CRTC2: variants seen among roughly 807,000 people sequenced by gnomAD.
CRTC2 encodes the protein CREB-regulated transcription coactivator 2.
In CRTC2, 25 loss-of-function variants were observed where a neutral mutation model predicts 70.9. That is an observed-to-expected ratio of 0.35 (90% CI 0.26 to 0.49). The LOEUF is 0.49. Ranked by LOEUF, CRTC2 falls within the 20% of genes least tolerant of loss-of-function variation. The pLI, the probability that CRTC2 is intolerant of heterozygous loss-of-function variation, is 0.98. For synonymous variants in CRTC2, 330 were observed against 364.1 expected (o/e 0.91, Z 1.07); for missense variants, 737 against 882.6 (o/e 0.83, Z 2.09).
chr1:153,952,832 T>C lies in CRTC2; in HGVS notation c.610A>G (p.Ile204Val), dbSNP rs772994822. Residue 204 changes from isoleucine to valine, a missense_variant and splice_region_variant, in exon 7 of 14, where the codon ATT (isoleucine) becomes GTT (valine). This residue lies in a region of CRTC2 where 699 missense variants were observed against 823.7 expected (regional missense o/e 0.85). Coordinates refer to ENST00000368633, the MANE Select transcript of CRTC2 (RefSeq NM_181715.3). The stretch of plus-strand genomic sequence containing the variant: ...TTGGGGTCCATTTCACCATCCAGAA[T>C]ACCTGCAAGGGATACAGTGGCATTG... ...PSILPSRRGG[I>V]LDGEMDPKVP... 1.2e-6 allele frequency: 2 copies of C among 1,614,096 alleles called. No individual in the cohort carries two copies. Among genetic ancestry groups the C allele is most frequent in the African/African-American group, 2.7e-5 (2 of 74,944 alleles).
In CRTC2 at chr1:153,951,428, G is replaced by C. The variant is rs201148360; in HGVS notation, c.1236C>G (p.Gly412=). 2 of 1,602,510 alleles carry C rather than the reference G, an allele frequency of 1.2e-6. No individual in the cohort carries two copies. The highest frequency in any genetic ancestry group is 1.7e-6 in the Non-Finnish European group (2 of 1,174,212). ...SSSSTSSPVL[G]APSYPASTPG... is the part of the protein sequence containing the mutation. ...GGGTAGAAGCAGGGTAAGAGGGGGC[G>C]CCCAAAACAGGAGATGAAGTGGAGG... The change falls in exon 11 of 14, where the codon GGC becomes GGG. Residue 412 remains glycine (G), a synonymous_variant. Coordinates refer to ENST00000368633, the MANE Select transcript of CRTC2 (RefSeq NM_181715.3).
At chr1:153,951,992 G>A in intron 10 of CRTC2, 26 bp downstream of exon 10, 2 of 1,601,836 alleles carry the variant, frequency 1.2e-6, no homozygotes, top group East Asian at 2.2e-5. Flanking sequence ...GCACCCAGTG[G>A]GCACATGGCC....
Position 153,958,593 on chromosome 1 carries a change from T to G in CRTC2, c.-96A>C, listed in dbSNP as rs1680770140. The G allele has an allele frequency of 2.3e-6, 3 of 1,288,992 alleles. No homozygotes were observed. The highest frequency in any genetic ancestry group is 2.7e-5 in the Admixed American group (1 of 37,210). 79.8% of individuals were successfully genotyped at this position (1,288,992 alleles called of 1,614,324 possible). A position where few individuals can be genotyped will look rare whatever the true frequency, so the allele number is the denominator to read the frequency against. On this transcript the variant is annotated 5_prime_UTR_variant, in exon 1 of 14. Coordinates refer to ENST00000368633, the MANE Select transcript of CRTC2 (RefSeq NM_181715.3). ...TCCTCCAGCCGTAGCCACCGCCGCC[T>G]CAGCGAGCACCGCGAACCCGGCCCC...
chr1:153,953,032 A>G, intron 6 of CRTC2, 198 bp from the exon 7 acceptor site: 1 of 668,518 alleles, frequency 1.5e-6, no homozygotes, highest in Non-Finnish European at 2.6e-6. Context: ...AAACACAAAA[A>G]ATTAGCCAGG....
chr1:153,954,379 G>C, intron 3 of CRTC2, 63 bp from the exon 4 acceptor site: 470 of 1,072,888 alleles, frequency 4.4e-4, no homozygotes, highest in Non-Finnish European at 6.3e-4. Context: ...AATGAGGAAA[G>C]AACAATGAAG....
Position 153,951,253 on chromosome 1 carries a change from C to T in CRTC2, c.1404+7G>A. The T allele has an allele frequency of 2.5e-6, 4 of 1,613,352 alleles. No individual in the cohort carries two copies. Among genetic ancestry groups the T allele is most frequent in the East Asian group, 2.2e-5 (1 of 44,840 alleles). On this transcript the variant is annotated splice_region_variant and intron_variant, in intron 11 of 13. Coordinates refer to ENST00000368633, the MANE Select transcript of CRTC2 (RefSeq NM_181715.3). ...GACAGACATGCAGGGAAGGCAGCCA[C>T]GCATACCTGAGTGATGGAAGACAAG...
At chr1:153,955,259 C>T in intron 1 of CRTC2, 93 bp from the exon 2 acceptor site, 1 of 901,962 alleles carries the variant, frequency 1.1e-6, no homozygotes, top group Non-Finnish European at 1.8e-6. Context: ...GGATATGCTG[C>T]TGCCGCCACT....
At chr1:153,951,210 A>C (rs374560657) in intron 11 of CRTC2, 50 bp downstream of exon 11, 2 of 1,589,532 alleles carry the variant, frequency 1.3e-6, no homozygotes, top group East Asian at 2.2e-5. Context: ...ACAACATGGC[A>C]GGAGAAAAGG....
intron 10 of CRTC2, 146 bp from the exon 11 acceptor site, chr1:153,951,812 TG>T: frequency 9.4e-7 from 1 of 1,061,530 alleles, no homozygotes; most frequent in Non-Finnish European, 1.3e-6. Context: ...ACTGCCCATC[TG>T]GGGACTGCCC....
intron 12 of CRTC2, 129 bp from the exon 13 acceptor site, chr1:153,948,773 G>A: frequency 9.2e-7 from 1 of 1,081,766 alleles, no homozygotes; most frequent in Admixed American, 1.9e-5. Context: ...ACAGAGGGAG[G>A]TGGCAGCAAG....
rs780768791 is a variant in CRTC2, at chr1:153,947,883, A to G, written c.*226T>C. The G allele has an allele frequency of 1.7e-6, 1 of 574,942 alleles. No homozygotes were observed. Among genetic ancestry groups the G allele is most frequent in the Non-Finnish European group, 3.1e-6 (1 of 322,114 alleles). 35.6% of individuals were successfully genotyped at this position (574,942 alleles called of 1,614,324 possible). A position where few individuals can be genotyped will look rare whatever the true frequency, so the allele number is the denominator to read the frequency against. ...ACCTCCAGACAGACGGTTCAAAGTT[A>G]CAAGTGCTTTAGGCCCTCCCTTGAG... On this transcript the variant is annotated 3_prime_UTR_variant, in exon 14 of 14. Coordinates refer to ENST00000368633, the MANE Select transcript of CRTC2 (RefSeq NM_181715.3).
Position 153,952,798 on chromosome 1 carries a change from C to T in CRTC2, c.637+7G>A, listed in dbSNP as rs776667899. ...ATTCAGTACCCACAGCAGTGAGGAA[C>T]ACATACCTTTGGGGTCCATTTCACC... On this transcript the variant is annotated splice_region_variant and intron_variant, in intron 7 of 13. Coordinates refer to ENST00000368633, the MANE Select transcript of CRTC2 (RefSeq NM_181715.3). The T allele has an allele frequency of 2.5e-5, 41 of 1,614,130 alleles. No homozygotes were observed. Among genetic ancestry groups the T allele is most frequent in the Non-Finnish European group, 3.2e-5 (38 of 1,180,040 alleles).
At chr1:153,957,246 T>C (rs1274722892) in intron 1 of CRTC2, among the ~76,000 whole-genome samples, 1 of 150,036 alleles carries the variant, frequency 6.7e-6, no homozygotes, top group African/African-American at 2.4e-5. Context: ...TCAAGGGGGA[T>C]ACACACAAAA....
At chr1:153,956,023 G>A (rs191559132) in intron 1 of CRTC2, among the ~76,000 whole-genome samples, 1 of 152,324 alleles carries the variant, frequency 6.6e-6, no homozygotes, top group East Asian at 1.9e-4. Context: ...GAAGGCCACA[G>A]GTGGATGTCA....
chr1:153,949,850 C>CA (rs34475872), intron 11 of CRTC2, among the ~76,000 whole-genome samples: 40,141 of 139,114 alleles, frequency 0.29, 5,798 homozygotes, highest in Admixed American at 0.4. Context: ...ACTCCGTCTC[C>CA]AAAAAAAAAA....
chr1:153,948,000 G>C lies in CRTC2; in HGVS notation c.*109C>G. The C allele has an allele frequency of 2.7e-6, 3 of 1,097,038 alleles. No individual in the cohort carries two copies. The highest frequency in any genetic ancestry group is 4.1e-6 in the Non-Finnish European group (3 of 739,158). 68.0% of individuals were successfully genotyped at this position (1,097,038 alleles called of 1,614,324 possible). On this transcript the variant is annotated 3_prime_UTR_variant, in exon 14 of 14. Transcript: ENST00000368633. The stretch of plus-strand genomic sequence containing the variant: ...TTCTTGGCATCCTTCATTCATGCTA[G>C]AAAGAGGATCTGGGGACAGAGAGTA...
Position 153,948,540 on chromosome 1 carries a change from G to A in CRTC2, c.1779C>T (p.Gly593=), listed in dbSNP as rs1025741369. The A allele has an allele frequency of 5.0e-6, 8 of 1,612,628 alleles. No homozygotes were observed. The highest frequency in any genetic ancestry group is 6.8e-6 in the Non-Finnish European group (8 of 1,179,406). ...GGTTGAAGGTGTGGGGATCCTGGGG[G>A]CCACCCATTGGCCCCTCACCCCCTA... The part of the protein sequence containing the change: ...GFLGGEGPMG[G]PQDPHTFNHQ... Residue 593 remains glycine, a synonymous_variant, in exon 13 of 14, where the codon GGC becomes GGT. Transcript: ENST00000368633.
Position 153,951,621 on chromosome 1 carries a change from C to T in CRTC2, c.1043G>A (p.Ser348Asn). Residue 348 changes from serine to asparagine, a missense_variant, in exon 11 of 14, where the codon AGC becomes AAC. Coordinates refer to ENST00000368633, the MANE Select transcript of CRTC2 (RefSeq NM_181715.3). ...CAGGGAAGCCTGGAGGTTGGGATTG[C>T]TTAGGGAGGACTGCAGGGATGGGTG... ...LSHPSLQSSL[S>N]NPNLQASLSS... 6.2e-7 allele frequency: 1 copy of T among 1,613,510 alleles called. No homozygotes were observed. Among genetic ancestry groups the T allele is most frequent in the Non-Finnish European group, 8.5e-7 (1 of 1,179,778 alleles).
rs1162347845 is a variant in CRTC2, at chr1:153,948,255, C to T, written c.1936G>A (p.Ala646Thr). 6.2e-7 allele frequency: 1 copy of T among 1,614,168 alleles called. No individual in the cohort carries two copies. Among genetic ancestry groups the T allele is most frequent in the East Asian group, 2.2e-5 (1 of 44,904 alleles). The change falls in exon 14 of 14, where the codon GCT becomes ACT. Residue 646 changes from alanine (A) to threonine (T), a missense_variant. Physicochemically the swap from Ala to Thr is moderately conservative, Grantham distance 58. Coordinates refer to ENST00000368633, the MANE Select transcript of CRTC2 (RefSeq NM_181715.3). Reference protein sequence around the residue: ...AGVPGFEVSAAGLELGLGLED... With the variant: ...AGVPGFEVSATGLELGLGLED... ...AGCCCAAGCCCTAGCTCCAATCCAGCTGCTGACACCTCAAAGCCAGGCACT... is the reference window on the plus strand; with the variant it reads ...AGCCCAAGCCCTAGCTCCAATCCAGTTGCTGACACCTCAAAGCCAGGCACT...
Sources: allele counts gnomAD v4.1 joint callset (sites outside exome capture counted in the v4.1 genomes callset), GRCh38; gene constraint gnomAD v4.1.1; regional missense constraint gnomAD v4.1.1; transcripts MANE v1.5; gene names NCBI Gene and HGNC (gene_info 2026-07-23, HGNC 2026-07-21).